SSBP2: variants seen among roughly 807,000 people sequenced by gnomAD.
The protein encoded by SSBP2 is single-stranded DNA-binding protein 2.
In SSBP2, 17 loss-of-function variants were observed where a neutral mutation model predicts 61.8. The ratio of observed to expected loss-of-function variants is 0.28; its 90% confidence interval spans 0.19 to 0.41. The LOEUF is 0.41. Among genes scored for constraint, SSBP2 ranks in the 10% least tolerant of loss-of-function variants. SSBP2 has a pLI of 1.00. For missense variants in SSBP2, 310 were observed against 458.7 expected (o/e 0.68, Z 2.96); for synonymous variants, 139 against 141.3 (o/e 0.98, Z 0.12).
At chr5:81,666,260 A>G (rs1751124835) in intron 1 of SSBP2, among the ~76,000 whole-genome samples, 1 of 152,182 alleles carries the variant, frequency 6.6e-6, no homozygotes, top group Admixed American at 6.5e-5. Context: ...GAAATAGATA[A>G]CTGACATACT....
intron 5 of SSBP2, among the ~76,000 whole-genome samples, chr5:81,490,386 A>C (rs958196167): frequency 6.6e-6 from 1 of 152,080 alleles, no homozygotes; most frequent in Non-Finnish European, 1.5e-5. Flanking sequence ...GAAAAATTAT[A>C]ATTTTGTTTA....
chr5:81,548,196 G>A (rs1350473092), intron 4 of SSBP2, among the ~76,000 whole-genome samples: 1 of 152,082 alleles, frequency 6.6e-6, no homozygotes, highest in African/African-American at 2.4e-5. Flanking sequence ...GAACCCTAAT[G>A]TATATTAGGG....
chr5:81,580,767 A>T (rs1222789013), intron 4 of SSBP2, among the ~76,000 whole-genome samples: 1 of 146,852 alleles, frequency 6.8e-6, no homozygotes, highest in African/African-American at 2.6e-5. Flanking sequence ...AAAAAAAATG[A>T]TTTGCTAATA....
At chr5:81,424,662 T>C (rs138058064) in intron 16 of SSBP2, among the ~76,000 whole-genome samples, 162 of 152,088 alleles carry the variant, frequency 1.1e-3, no homozygotes, top group Admixed American at 1.6e-3. Context: ...CTTCAAAAAA[T>C]GAAATAAGGG....
intron 1 of SSBP2, among the ~76,000 whole-genome samples, chr5:81,685,161 G>GA (rs1752681417): frequency 6.6e-6 from 1 of 152,070 alleles, no homozygotes; most frequent in African/African-American, 2.4e-5. Flanking sequence ...TAAGTTTCTT[G>GA]AGGCCTCCCA....
chr5:81,709,513 C>G (rs1042138892), intron 1 of SSBP2, among the ~76,000 whole-genome samples: 1 of 151,732 alleles, frequency 6.6e-6, no homozygotes, highest in Non-Finnish European at 1.5e-5. Context: ...AGCATATCAA[C>G]AAATCTTAAT....
intron 4 of SSBP2, among the ~76,000 whole-genome samples, chr5:81,553,543 T>C (rs571092815): frequency 5.3e-5 from 8 of 152,266 alleles, no homozygotes; most frequent in South Asian, 2.1e-4. Context: ...TTTCCAGTAA[T>C]CATATAAAAA....
intron 4 of SSBP2, among the ~76,000 whole-genome samples, chr5:81,607,758 A>G (rs1397873986): frequency 6.6e-6 from 1 of 152,182 alleles, no homozygotes. Flanking sequence ...AGCCATTGAC[A>G]TAGTTTGAGT....
intron 1 of SSBP2, among the ~76,000 whole-genome samples, chr5:81,684,998 G>A (rs1752666226): frequency 6.6e-6 from 1 of 152,054 alleles, no homozygotes; most frequent in African/African-American, 2.4e-5. Context: ...TTGGATCATG[G>A]GGCTGGATTT....
At position 81,708,273 on chromosome 5, in the gene SSBP2, A is replaced by G. The variant is rs374237788; in HGVS notation, c.62+42708T>C. On this transcript the variant is annotated intron_variant, in intron 1 of 16. Coordinates refer to ENST00000320672, the MANE Select transcript of SSBP2 (RefSeq NM_012446.5). ...AGGAATTGATTAAATAGAGTCACAT[A>G]AGCTATGAAAGAGTTATGCATATAG... Among the ~76,000 whole-genome samples, 5 of 152,152 alleles carry G rather than the reference A, an allele frequency of 3.3e-5. No homozygotes were observed. In the South Asian group the frequency reaches 1.0e-3, roughly 31 times the overall value.
chr5:81,584,406 T>A (rs1774910995), intron 4 of SSBP2, among the ~76,000 whole-genome samples: 1 of 152,214 alleles, frequency 6.6e-6, no homozygotes, highest in Non-Finnish European at 1.5e-5. Context: ...TTTTTAACTC[T>A]TATCAGTACA....
intron 1 of SSBP2, among the ~76,000 whole-genome samples, chr5:81,703,909 T>C (rs1754178190): frequency 6.6e-6 from 1 of 152,188 alleles, no homozygotes; most frequent in Non-Finnish European, 1.5e-5. Context: ...GTAAATAGAA[T>C]GAGGCAGAGC....
intron 15 of SSBP2, among the ~76,000 whole-genome samples, chr5:81,432,845 G>C (rs1452907644): frequency 6.6e-6 from 1 of 150,844 alleles, no homozygotes; most frequent in Non-Finnish European, 1.5e-5. Context: ...GCCCCGTCCG[G>C]GAGGTGAGGG....
At chr5:81,569,102 G>A (rs914918897) in intron 4 of SSBP2, among the ~76,000 whole-genome samples, 2 of 152,102 alleles carry the variant, frequency 1.3e-5, no homozygotes, top group African/African-American at 2.4e-5. Flanking sequence ...AGGTCAGAAG[G>A]GGCAGGAAGT....
At chr5:81,650,478 G>C in intron 1 of SSBP2, 139 bp from the exon 2 acceptor site, 1 of 467,564 alleles carries the variant, frequency 2.1e-6, no homozygotes, top group Non-Finnish European at 3.8e-6. Flanking sequence ...ATTTCAATAG[G>C]AATTATTAAT....
At chr5:81,481,365 T>C (rs933516977) in intron 6 of SSBP2, among the ~76,000 whole-genome samples, 1 of 152,140 alleles carries the variant, frequency 6.6e-6, no homozygotes, top group African/African-American at 2.4e-5. Flanking sequence ...CTCACGCCTG[T>C]AATCTCAACA....
At chr5:81,714,154 G>A (rs138696922) in intron 1 of SSBP2, among the ~76,000 whole-genome samples, 93 of 152,186 alleles carry the variant, frequency 6.1e-4, no homozygotes, top group African/African-American at 2.0e-3. Flanking sequence ...GAGAACAGGC[G>A]GTGTTTGGTT....
chr5:81,593,645 G>A (rs550677053), intron 4 of SSBP2, among the ~76,000 whole-genome samples: 264 of 152,246 alleles, frequency 1.7e-3, no homozygotes, highest in African/African-American at 6.1e-3. Flanking sequence ...CGGATCTCTC[G>A]GCAGAAACTC....
At chr5:81,630,491 A>G (rs1747598475) in intron 3 of SSBP2, among the ~76,000 whole-genome samples, 1 of 152,324 alleles carries the variant, frequency 6.6e-6, no homozygotes, top group South Asian at 2.1e-4. Flanking sequence ...AGGCATCTCA[A>G]AGAGTATGTC....
Sources: gnomAD v4.1 joint callset for allele counts (sites outside exome capture counted in the v4.1 genomes callset) on GRCh38, gnomAD v4.1.1 for gene constraint, MANE v1.5 for transcripts, NCBI Gene and HGNC (gene_info 2026-07-23, HGNC 2026-07-21) for gene names.